Variants in COG5 observed in about 807,000 individuals in gnomAD.
COG5 encodes the protein component of oligomeric golgi complex 5, also known as conserved oligomeric Golgi complex subunit 5.
A neutral mutation model predicts 110.4 loss-of-function variants in COG5; 86 were observed. That is an observed-to-expected ratio of 0.78 (90% CI 0.65 to 0.93). The LOEUF (loss-of-function observed/expected upper bound fraction) is 0.93. Among genes scored for constraint, COG5 ranks in the 40% least tolerant of loss-of-function variants. COG5 has a pLI of 0.00. For missense variants in COG5, 1,077 were observed against 987.0 expected (o/e 1.09, Z -1.22); for synonymous variants, 360 against 334.6 (o/e 1.08, Z -0.83).
chr7:107,209,923 G>A (rs986260101), intron 21 of COG5: 2 of 986,556 alleles, frequency 2.0e-6, no homozygotes, highest in East Asian at 1.1e-4. Context: ...GAGAGCAGTT[G>A]CAGGGAAGAG....
chr7:107,435,949 T>C (rs1483748373), intron 6 of COG5, among the ~76,000 whole-genome samples: 1 of 152,182 alleles, frequency 6.6e-6, no homozygotes, highest in Non-Finnish European at 1.5e-5. Context: ...CACAATGGAA[T>C]ACTATTCTGC....
At chr7:107,280,149 A>G (rs1451996738) in intron 14 of COG5, among the ~76,000 whole-genome samples, 2 of 152,132 alleles carry the variant, frequency 1.3e-5, no homozygotes, top group African/African-American at 2.4e-5. Flanking sequence ...AGATTTAAAC[A>G]AAGATTGAGA....
At chr7:107,433,853 C>A (rs981052418) in intron 6 of COG5, among the ~76,000 whole-genome samples, 9 of 151,928 alleles carry the variant, frequency 5.9e-5, no homozygotes, top group Non-Finnish European at 1.2e-4. Flanking sequence ...CATGTAAATA[C>A]CACAATTCAC....
intron 6 of COG5, among the ~76,000 whole-genome samples, chr7:107,500,904 G>C (rs1024506253): frequency 3.9e-5 from 6 of 152,040 alleles, no homozygotes; most frequent in African/African-American, 1.4e-4. Context: ...AAATTCTACA[G>C]GTACACCTAT....
At chr7:107,312,656 G>A (rs1438422824) in intron 11 of COG5, among the ~76,000 whole-genome samples, 1 of 152,152 alleles carries the variant, frequency 6.6e-6, no homozygotes, top group Non-Finnish European at 1.5e-5. Context: ...GCTTAAGTAT[G>A]AGATAAAGAC....
chr7:107,389,178 C>T (rs1043694857), intron 7 of COG5, among the ~76,000 whole-genome samples: 2 of 152,170 alleles, frequency 1.3e-5, no homozygotes, highest in Non-Finnish European at 2.9e-5. Flanking sequence ...CCTATAATAA[C>T]GTGACTGCTT....
intron 6 of COG5, among the ~76,000 whole-genome samples, chr7:107,466,093 A>C (rs528899444): frequency 6.6e-6 from 1 of 152,290 alleles, no homozygotes; most frequent in South Asian, 2.1e-4. Context: ...GGGGTGATGG[A>C]GCACAAACAT....
chr7:107,540,613 T>TAA (rs530416160), intron 5 of COG5, among the ~76,000 whole-genome samples: 2,620 of 135,026 alleles, frequency 0.019, 75 homozygotes, highest in African/African-American at 0.065. Context: ...TAAAATTAAA[T>TAA]AAAAAAAAAA....
chr7:107,403,374 C>T (rs1002410036), intron 7 of COG5, among the ~76,000 whole-genome samples: 3 of 151,710 alleles, frequency 2.0e-5, no homozygotes, highest in Non-Finnish European at 2.9e-5. Context: ...TCCTAGTTCA[C>T]AGAAAGACAC....
intron 6 of COG5, among the ~76,000 whole-genome samples, chr7:107,497,077 G>C (rs1394283382): frequency 1.3e-5 from 2 of 152,022 alleles, no homozygotes; most frequent in Non-Finnish European, 2.9e-5. Flanking sequence ...GCCAGGCATG[G>C]TGGCATGCCT....
At chr7:107,541,284 C>A (rs1486227638) in intron 5 of COG5, among the ~76,000 whole-genome samples, 1 of 151,124 alleles carries the variant, frequency 6.6e-6, no homozygotes, top group African/African-American at 2.4e-5. Context: ...AATGCTTGAC[C>A]TCAGGAGTTC....
At chr7:107,448,204 G>C (rs1795127511) in intron 6 of COG5, among the ~76,000 whole-genome samples, 1 of 150,882 alleles carries the variant, frequency 6.6e-6, no homozygotes, top group Non-Finnish European at 1.5e-5. Flanking sequence ...CCAAAACATG[G>C]AATGTTATAT....
intron 11 of COG5, among the ~76,000 whole-genome samples, chr7:107,299,106 C>T (rs1432509712): frequency 2.6e-5 from 4 of 152,048 alleles, no homozygotes; most frequent in African/African-American, 9.7e-5. Context: ...ATGACCTAAA[C>T]TTCCATTTTA....
chr7:107,236,825 C>T (rs534872701), intron 17 of COG5, 138 bp from the exon 18 acceptor site: 313 of 705,880 alleles, frequency 4.4e-4, no homozygotes, highest in Non-Finnish European at 7.4e-4. Context: ...ACATTAATTA[C>T]TTTTTGATAA....
intron 11 of COG5, among the ~76,000 whole-genome samples, chr7:107,299,976 C>T (rs1165061658): frequency 6.6e-6 from 1 of 150,746 alleles, no homozygotes; most frequent in South Asian, 2.1e-4. Flanking sequence ...CTGTCTTGGC[C>T]TCCCAAAGTG....
chr7:107,417,290 T>G (rs1792919288), intron 6 of COG5, among the ~76,000 whole-genome samples: 1 of 152,216 alleles, frequency 6.6e-6, no homozygotes, highest in Non-Finnish European at 1.5e-5. Flanking sequence ...ATCTATCCTT[T>G]TAAAATTTTA....
At chr7:107,536,575 AAGG>A (rs1801597616) in intron 5 of COG5, among the ~76,000 whole-genome samples, 1 of 152,226 alleles carries the variant, frequency 6.6e-6, no homozygotes, top group African/African-American at 2.4e-5. Context: ...GGACCTCTTC[AAGG>A]AGAACTACAA....
intron 8 of COG5, among the ~76,000 whole-genome samples, chr7:107,371,158 A>G (rs1584740839): frequency 6.6e-6 from 1 of 152,210 alleles, no homozygotes; most frequent in African/African-American, 2.4e-5. Flanking sequence ...AATAGTTTCA[A>G]TACAAACCTA....
Position 107,388,921 on chromosome 7 carries a change from G to A in COG5, c.670-16161C>T, listed in dbSNP as rs551621788. On this transcript the variant is annotated intron_variant, in intron 7 of 21. Transcript: ENST00000297135. ...TCCACAGACGACACAAGCCTCAAAT[G>A]TCACCTGATGCTGAAGAGGATAACT... Among the ~76,000 whole-genome samples the A allele has an allele frequency of 9.2e-5, 14 of 152,270 alleles. No homozygotes were observed. In the South Asian group the frequency reaches 2.9e-3, roughly 32 times the overall value.
Sources: allele counts gnomAD v4.1 joint callset (sites outside exome capture counted in the v4.1 genomes callset), GRCh38; gene constraint gnomAD v4.1.1; transcripts MANE v1.5; gene names NCBI Gene and HGNC (gene_info 2026-07-23, HGNC 2026-07-21).